NUBPL: variants seen among roughly 807,000 people sequenced by gnomAD.
The protein encoded by NUBPL is iron-sulfur cluster transfer protein NUBPL.
NUBPL carries 31 observed loss-of-function variants against 45.7 expected under a neutral mutation model. The observed-to-expected ratio is 0.68, with a 90% CI of 0.51 to 0.92. The LOEUF (loss-of-function observed/expected upper bound fraction) is 0.92, where lower values mean the gene tolerates loss of function less well. NUBPL is among the 40% of genes least tolerant of loss of function. The pLI is 0.00. For synonymous variants in NUBPL, 144 were observed against 140.9 expected (o/e 1.02, Z -0.15); for missense variants, 401 against 398.7 (o/e 1.01, Z -0.05).
At chr14:31,690,868 T>C (rs527908305) in intron 6 of NUBPL, among the ~76,000 whole-genome samples, 17 of 152,276 alleles carry the variant, frequency 1.1e-4, no homozygotes, top group Admixed American at 9.8e-4. Flanking sequence ...TCTGAACCAG[T>C]GCCAGACGAT....
intron 7 of NUBPL, among the ~76,000 whole-genome samples, chr14:31,801,945 T>G (rs1376089271): frequency 6.6e-6 from 1 of 152,220 alleles, no homozygotes; most frequent in East Asian, 1.9e-4. Flanking sequence ...TGTTGAATAT[T>G]CATGGGCTCA....
intron 4 of NUBPL, among the ~76,000 whole-genome samples, chr14:31,650,215 G>A (rs1326224096): frequency 6.6e-6 from 1 of 151,706 alleles, no homozygotes; most frequent in African/African-American, 2.4e-5. Context: ...ATTGATATAA[G>A]TTCAAGTAAT....
intron 4 of NUBPL, among the ~76,000 whole-genome samples, chr14:31,668,215 T>C (rs973115739): frequency 2.0e-5 from 3 of 152,166 alleles, no homozygotes; most frequent in African/African-American, 7.2e-5. Context: ...TATCTTTACG[T>C]CCCTGACTGG....
At chr14:31,678,779 TTAGC>T (rs1232281751) in intron 6 of NUBPL, among the ~76,000 whole-genome samples, 1 of 152,152 alleles carries the variant, frequency 6.6e-6, no homozygotes, top group Non-Finnish European at 1.5e-5. Flanking sequence ...ATGCACTCCA[TTAGC>T]TGCCCTGGCT....
intron 4 of NUBPL, among the ~76,000 whole-genome samples, chr14:31,633,324 A>G (rs967424349): frequency 6.6e-6 from 1 of 152,228 alleles, no homozygotes; most frequent in Non-Finnish European, 1.5e-5. Flanking sequence ...CACCAAACAT[A>G]TAACGTATTC....
At chr14:31,649,873 T>C (rs2035953268) in intron 4 of NUBPL, among the ~76,000 whole-genome samples, 1 of 152,176 alleles carries the variant, frequency 6.6e-6, no homozygotes, top group African/African-American at 2.4e-5. Context: ...TTTTTTTTTG[T>C]TTTGAGACGG....
intron 6 of NUBPL, among the ~76,000 whole-genome samples, chr14:31,674,884 C>T (rs150026847): frequency 0.012 from 1,802 of 152,206 alleles, 27 homozygotes; most frequent in African/African-American, 0.034. Flanking sequence ...CGCCTGTAAT[C>T]CCAGCACTTT....
chr14:31,688,592 G>GAA (rs544662104), intron 6 of NUBPL, among the ~76,000 whole-genome samples: 828 of 75,680 alleles, frequency 0.011, 2 homozygotes, highest in Middle Eastern at 0.067. Context: ...AGAAAAAAAA[G>GAA]AAAAAAAAAA....
intron 3 of NUBPL, among the ~76,000 whole-genome samples, chr14:31,588,222 T>C (rs1013755375): frequency 6.6e-6 from 1 of 152,202 alleles, no homozygotes; most frequent in Non-Finnish European, 1.5e-5. Context: ...CATTGGGGGT[T>C]ATTGTATACC....
At chr14:31,800,235 C>T (rs573672699) in intron 7 of NUBPL, among the ~76,000 whole-genome samples, 9 of 152,324 alleles carry the variant, frequency 5.9e-5, no homozygotes, top group African/African-American at 2.2e-4. Flanking sequence ...CAAAAGTCAT[C>T]TGTGAGGGCT....
chr14:31,774,775 G>C (rs2039069768), intron 6 of NUBPL, among the ~76,000 whole-genome samples: 1 of 152,152 alleles, frequency 6.6e-6, no homozygotes, highest in South Asian at 2.1e-4. Flanking sequence ...GTCAGCATTA[G>C]TTTGGGCTAT....
At chr14:31,681,340 T>C (rs934777875) in intron 6 of NUBPL, among the ~76,000 whole-genome samples, 3 of 151,978 alleles carry the variant, frequency 2.0e-5, no homozygotes, top group Non-Finnish European at 4.4e-5. Context: ...ATGAAATTTG[T>C]TCATAATATT....
Position 31,835,471 on chromosome 14 carries a change from TCA to T in NUBPL, c.693+8759_693+8760del, listed in dbSNP as rs1185450017. On this transcript the variant is annotated intron_variant, in intron 8 of 10. Coordinates refer to ENST00000281081, the MANE Select transcript of NUBPL (RefSeq NM_025152.3). ...GGGATGATAATACCCATCTCATTGGTCACTATGGCAGTGAAGCATGATTATAT... is the reference window on the plus strand; with the variant it reads ...GGGATGATAATACCCATCTCATTGGTCTATGGCAGTGAAGCATGATTATAT... Among the ~76,000 whole-genome samples, 4 of 152,338 alleles carry T rather than the reference TCA, an allele frequency of 2.6e-5. No individual in the cohort carries two copies. The East Asian group carries it at 7.7e-4, about 29-fold the overall frequency.
chr14:31,621,656 C>T (rs1030349807), intron 4 of NUBPL, among the ~76,000 whole-genome samples: 4 of 152,210 alleles, frequency 2.6e-5, no homozygotes, highest in African/African-American at 7.2e-5. Context: ...GAACTGGGTA[C>T]CTCAGTTGGA....
intron 6 of NUBPL, among the ~76,000 whole-genome samples, chr14:31,731,605 A>G (rs2038049557): frequency 6.6e-6 from 1 of 152,244 alleles, no homozygotes; most frequent in African/African-American, 2.4e-5. Flanking sequence ...TACAAAGAAC[A>G]GTTTGTTCAT....
chr14:31,596,659 T>G (rs1011714107), intron 3 of NUBPL, among the ~76,000 whole-genome samples: 4 of 152,236 alleles, frequency 2.6e-5, no homozygotes, highest in Admixed American at 2.6e-4. Context: ...GCTCTGTATC[T>G]AAGTTTTTGG....
intron 6 of NUBPL, among the ~76,000 whole-genome samples, chr14:31,772,263 C>T (rs1256048689): frequency 6.6e-6 from 1 of 152,002 alleles, no homozygotes; most frequent in African/African-American, 2.4e-5. Context: ...GAAATTTCAG[C>T]CTTTGAGGTA....
intron 6 of NUBPL, among the ~76,000 whole-genome samples, chr14:31,724,358 G>C (rs953164345): frequency 3.3e-5 from 5 of 152,182 alleles, no homozygotes; most frequent in Non-Finnish European, 5.9e-5. Context: ...AAAACCGTAA[G>C]TTCTATGAGG....
intron 7 of NUBPL, among the ~76,000 whole-genome samples, chr14:31,811,321 T>C (rs1029382894): frequency 1.3e-5 from 2 of 152,206 alleles, no homozygotes; most frequent in Admixed American, 1.3e-4. Flanking sequence ...TTGTTTCTTT[T>C]TACTCTTTTT....
Sources: gnomAD v4.1 joint callset for allele counts (sites outside exome capture counted in the v4.1 genomes callset) on GRCh38, gnomAD v4.1.1 for gene constraint, MANE v1.5 for transcripts, NCBI Gene and HGNC (gene_info 2026-07-23, HGNC 2026-07-21) for gene names.